EDA: variants seen among roughly 807,000 people sequenced by gnomAD.
The protein encoded by EDA is ectodysplasin A, also known as ectodysplasin-A.
Under a neutral mutation model 23.6 loss-of-function variants are expected in EDA, and 2 were observed. That is an observed-to-expected ratio of 0.08 (90% CI 0.03 to 0.27). The LOEUF is 0.27. Among genes scored for constraint, EDA ranks in the 10% least tolerant of loss-of-function variants. EDA has a pLI of 1.00. For missense variants in EDA, 229 were observed against 324.2 expected, an observed-to-expected ratio of 0.71 and a Z score of 2.26; for synonymous variants, 131 against 132.0, an observed-to-expected ratio of 0.99 and a Z score of 0.05.
chrX:69,948,520 C>A (rs2018867752), intron 1 of EDA, among the ~76,000 whole-genome samples: 1 of 111,957 alleles, frequency 8.9e-6, no homozygotes, highest in African/African-American at 3.2e-5. Flanking sequence ...CACCCCCACC[C>A]CACTGGTGAC....
At chrX:69,867,584 G>T (rs1343402445) in intron 1 of EDA, among the ~76,000 whole-genome samples, 1 of 112,284 alleles carries the variant, frequency 8.9e-6, no homozygotes, top group Non-Finnish European at 1.9e-5. Flanking sequence ...CTACCCACTG[G>T]GATGATTTCC....
At chrX:69,840,261 C>T (rs963275624) in intron 1 of EDA, among the ~76,000 whole-genome samples, 3 of 111,649 alleles carry the variant, frequency 2.7e-5, no homozygotes, top group African/African-American at 9.8e-5. Context: ...GGCTCACACA[C>T]TACCTCCTAA....
At chrX:69,850,909 A>G in intron 1 of EDA, among the ~76,000 whole-genome samples, 1 of 111,340 alleles carries the variant, frequency 9.0e-6, no homozygotes, top group Non-Finnish European at 1.9e-5. Context: ...CTACCCCATA[A>G]AGGCTCTGAA....
chrX:69,756,390 A>G (rs1270765464), intron 1 of EDA, among the ~76,000 whole-genome samples: 2 of 111,799 alleles, frequency 1.8e-5, no homozygotes, highest in African/African-American at 6.5e-5. Flanking sequence ...ATGAGAATCA[A>G]ATGGCAAAAG....
chrX:69,932,989 C>T (rs1251912682), intron 1 of EDA, among the ~76,000 whole-genome samples: 1 of 108,825 alleles, frequency 9.2e-6, no homozygotes, highest in Non-Finnish European at 1.9e-5. Flanking sequence ...GTTTCGTAAA[C>T]TATAGACAGT....
intron 1 of EDA, among the ~76,000 whole-genome samples, chrX:69,754,837 G>C (rs753775657): frequency 9.0e-6 from 1 of 111,611 alleles, no homozygotes; most frequent in Admixed American, 9.5e-5. Flanking sequence ...TCTTCCATTT[G>C]ATCAAATCAG....
At chrX:69,858,047 A>G (rs1309386737) in intron 1 of EDA, among the ~76,000 whole-genome samples, 1 of 111,726 alleles carries the variant, frequency 9.0e-6, no homozygotes, top group African/African-American at 3.2e-5. Context: ...TTGTTGGTGT[A>G]TAGGAATGCT....
At chrX:69,758,374 A>C (rs2014190982) in intron 1 of EDA, among the ~76,000 whole-genome samples, 1 of 112,138 alleles carries the variant, frequency 8.9e-6, no homozygotes, top group South Asian at 3.7e-4. Flanking sequence ...ATCTGGTAGA[A>C]AGAAGATTCA....
chrX:70,005,013 G>A (rs767198576), intron 2 of EDA, among the ~76,000 whole-genome samples: 112 of 111,584 alleles, frequency 1.0e-3, no homozygotes, highest in Non-Finnish European at 1.8e-3. Context: ...GGAGGATTGC[G>A]TGAGCCCAGG....
intron 1 of EDA, among the ~76,000 whole-genome samples, chrX:69,765,319 T>C (rs2014438033): frequency 8.9e-6 from 1 of 112,627 alleles, no homozygotes; most frequent in African/African-American, 3.2e-5. Context: ...AAGATAATAT[T>C]ACCTGGTTTG....
rs1201821188 is a variant in EDA at position 69,645,592 on chromosome X, ATGTGTGTGTG to A, written c.396+28890_396+28899del. Among the ~76,000 whole-genome samples, 129 of 46,879 alleles carry A rather than the reference ATGTGTGTGTG, an allele frequency of 2.8e-3. 6 individuals carry two copies. The East Asian group carries it at 0.24, about 88-fold the overall frequency. 40.7% of individuals were successfully genotyped at this position (46,879 alleles called of 115,157 possible). A position where few individuals can be genotyped will look rare whatever the true frequency, so the allele number is the denominator to read the frequency against. ...TTAGTTCTCTAGTTCTTTTATATAT[ATGTGTGTGTG>A]TATATATATATATGTGTGTGTATAT... On this transcript the variant is annotated intron_variant, in intron 1 of 7. Transcript: ENST00000374552.
intron 2 of EDA, chrX:69,957,350 C>T: frequency 2.7e-6 from 1 of 369,624 alleles, no homozygotes; most frequent in East Asian, 5.1e-5. Flanking sequence ...AAAAAATTAG[C>T]CGGGCCTAGT....
At chrX:69,952,203 A>G (rs1409673315) in intron 1 of EDA, among the ~76,000 whole-genome samples, 1 of 112,130 alleles carries the variant, frequency 8.9e-6, no homozygotes, top group Non-Finnish European at 1.9e-5. Context: ...TTATTGAAAA[A>G]ATAGAAACCA....
chrX:69,723,169 C>T (rs2012655588), intron 1 of EDA, among the ~76,000 whole-genome samples: 1 of 112,010 alleles, frequency 8.9e-6, no homozygotes, highest in Non-Finnish European at 1.9e-5. Flanking sequence ...ATTCTTAATG[C>T]AGTTTCTGGT....
intron 1 of EDA, among the ~76,000 whole-genome samples, chrX:69,720,985 T>C (rs1359804435): frequency 8.9e-6 from 1 of 112,344 alleles, no homozygotes; most frequent in African/African-American, 3.2e-5. Flanking sequence ...CTCATTTAAA[T>C]CTTTTATTTT....
intron 1 of EDA, among the ~76,000 whole-genome samples, chrX:69,821,247 G>A (rs1017008584): frequency 2.8e-5 from 3 of 105,643 alleles, no homozygotes; most frequent in Non-Finnish European, 5.8e-5. Context: ...CTACTGGGGG[G>A]GATGAGGGGG....
At chrX:69,764,171 C>G (rs187831217) in intron 1 of EDA, among the ~76,000 whole-genome samples, 3 of 105,348 alleles carry the variant, frequency 2.8e-5, no homozygotes, top group Admixed American at 2.1e-4. Flanking sequence ...TCATTGATCT[C>G]TTATCCTTCC....
chrX:69,971,330 A>G (rs6625543), intron 2 of EDA, among the ~76,000 whole-genome samples: 11,020 of 112,022 alleles, frequency 0.098, 921 homozygotes, highest in East Asian at 0.61. Flanking sequence ...GTGAAGTATT[A>G]TTTATCATAA....
At chrX:69,913,076 G>A (rs763755212) in intron 1 of EDA, among the ~76,000 whole-genome samples, 1 of 111,766 alleles carries the variant, frequency 8.9e-6, no homozygotes, top group Non-Finnish European at 1.9e-5. Context: ...TGAAGATTTA[G>A]CATAATTCTT....
Sources: gnomAD v4.1 joint callset for allele counts (sites outside exome capture counted in the v4.1 genomes callset) on GRCh38, gnomAD v4.1.1 for gene constraint, MANE v1.5 for transcripts, NCBI Gene and HGNC (gene_info 2026-07-23, HGNC 2026-07-21) for gene names.